SHOC1: variants seen among roughly 807,000 people sequenced by gnomAD.
The protein encoded by SHOC1 is protein shortage in chiasmata 1 ortholog.
SHOC1 carries 136 observed loss-of-function variants against 179.2 expected under a neutral mutation model. The ratio of observed to expected loss-of-function variants is 0.76; its 90% CI spans 0.66 to 0.87. The LOEUF (loss-of-function observed/expected upper bound fraction) is 0.87. Among genes scored for constraint, SHOC1 ranks in the 40% least tolerant of loss-of-function variants. SHOC1 has a pLI of 0.00. For synonymous variants in SHOC1, 489 were observed against 586.6 expected, an observed-to-expected ratio of 0.83 and a Z score of 2.41; for missense variants, 1,538 against 1,700.8, an observed-to-expected ratio of 0.90 and a Z score of 1.68.
In SHOC1 at chr9:111,692,207, T is replaced by C. The variant is rs773411789; in HGVS notation, c.3770A>G (p.Asp1257Gly). 2.5e-6 allele frequency: 4 copies of C among 1,613,406 alleles called. No individual in the cohort carries two copies. Among genetic ancestry groups the C allele is most frequent in the East Asian group, 4.5e-5 (2 of 44,842 alleles). The change falls in exon 27 of 28, where the codon GAC (aspartate) becomes GGC (glycine). Residue 1257 changes from aspartate to glycine, a missense_variant. Asp to Gly is a moderately conservative substitution (Grantham distance 94). Transcript: ENST00000682961. ...TSYNQTSYWK[D>G]SSCKSNIGQN... ...CCCTATATTAGATTTACAGCTGGAGTCTTTCCAGTAGCTGGTCTGATTGTA... is the reference window on the plus strand; with the variant it reads ...CCCTATATTAGATTTACAGCTGGAGCCTTTCCAGTAGCTGGTCTGATTGTA...
At chr9:111,759,052 T>C in intron 5 of SHOC1, 1 of 1,238,924 alleles carries the variant, frequency 8.1e-7, no homozygotes, top group Admixed American at 2.3e-5. Flanking sequence ...ATTTTAGTAT[T>C]ATCTAGGACA....
intron 16 of SHOC1, among the ~76,000 whole-genome samples, chr9:111,716,381 CTTTTTTTTT>C (rs34548781): frequency 8.9e-5 from 6 of 67,742 alleles, no homozygotes; most frequent in South Asian, 7.3e-4. Context: ...TCTTTTCTCC[CTTTTTTTTT>C]TTTTTTTTTT....
chr9:111,703,997 A>G lies in SHOC1; in HGVS notation c.2856-5T>C. 1 of 1,447,720 alleles carries G rather than the reference A, an allele frequency of 6.9e-7. No individual in the cohort carries two copies. The highest frequency in any genetic ancestry group is 9.5e-7 in the Non-Finnish European group (1 of 1,047,862). 89.7% of individuals were successfully genotyped at this position (1,447,720 alleles called of 1,614,324 possible). A position where few individuals can be genotyped will look rare whatever the true frequency, so the allele number is the denominator to read the frequency against. ...TCTACTAGTGAGATGTTATAGCTGT[A>G]AAATACAATATTCTTGAGTGAAAAA... is the stretch of plus-strand genomic sequence containing the variant. On this transcript the variant is annotated splice_region_variant and splice_polypyrimidine_tract_variant and intron_variant, in intron 21 of 27. Transcript: ENST00000682961.
rs1034560792 is a variant in SHOC1 at position 111,791,408 on chromosome 9, G to A, written c.11C>T (p.Ala4Val). ...ATAGTCTATTGCATGATATTTCAAT[G>A]CTGAAAACATATCTTCTTTCTTTCA... is the stretch of plus-strand genomic sequence containing the variant. MFSALKYHAIDYLY... is the reference protein window; with the variant it reads MFSVLKYHAIDYLY... Residue 4 changes from alanine to valine, a missense_variant, in exon 2 of 28, where the codon GCA (alanine) becomes GTA (valine). By Grantham distance (64) the Ala-to-Val change is moderately conservative. Coordinates refer to ENST00000682961, the MANE Select transcript of SHOC1 (RefSeq NM_001378211.1). 15 of 1,474,786 alleles carry A rather than the reference G, an allele frequency of 1.0e-5. No homozygotes were observed. The highest frequency in any genetic ancestry group is 1.4e-5 in the Non-Finnish European group (15 of 1,108,968). 91.4% of individuals were successfully genotyped at this position (1,474,786 alleles called of 1,614,324 possible).
At chr9:111,759,560 A>C (rs1263762516) in intron 5 of SHOC1, 2 of 1,121,882 alleles carry the variant, frequency 1.8e-6, no homozygotes, top group Non-Finnish European at 2.2e-6. Flanking sequence ...TCTAAGTCAC[A>C]GGAAGGAACA....
chr9:111,729,784 C>T (rs1833480918), intron 12 of SHOC1, among the ~76,000 whole-genome samples: 1 of 151,710 alleles, frequency 6.6e-6, no homozygotes, highest in African/African-American at 2.4e-5. Flanking sequence ...CCCAGCTACT[C>T]AGGAGGCTGA....
At chr9:111,712,633 G>A (rs1390000656) in intron 18 of SHOC1, among the ~76,000 whole-genome samples, 1 of 152,126 alleles carries the variant, frequency 6.6e-6, no homozygotes, top group Non-Finnish European at 1.5e-5. Context: ...GAAAAGTGTA[G>A]TAAGTGAGGA....
Position 111,746,292 on chromosome 9 carries a change from A to C in SHOC1, c.1021T>G (p.Ser341Ala). 1.2e-6 allele frequency: 2 copies of C among 1,612,658 alleles called. No individual in the cohort carries two copies. The highest frequency in any genetic ancestry group is 1.7e-6 in the Non-Finnish European group (2 of 1,178,872). ...AGTTCTGTACGTAATGAATTCACTG[A>C]AGAATGTTGGCATGTTAGGAATAGA... ...TPLFLTCQHS[S>A]VNSLRTELQT... The change falls in exon 10 of 28, where the codon TCA (serine) becomes GCA (alanine). Residue 341 changes from serine (S) to alanine (A), a missense_variant. Ser to Ala is a moderately conservative substitution (Grantham distance 99, BLOSUM62 1). Coordinates refer to ENST00000682961, the MANE Select transcript of SHOC1 (RefSeq NM_001378211.1).
At position 111,687,015 on chromosome 9, in the gene SHOC1, G is replaced by A. The variant is rs193204442; in HGVS notation, c.4427-145C>T. The A allele has an allele frequency of 1.9e-5, 8 of 418,702 alleles. No individual in the cohort carries two copies. In the Admixed American group the frequency reaches 2.7e-4, roughly 14 times the overall value. 25.9% of individuals were successfully genotyped at this position (418,702 alleles called of 1,614,324 possible). A position where few individuals can be genotyped will look rare whatever the true frequency, so the allele number is the denominator to read the frequency against. On this transcript the variant is annotated intron_variant, in intron 27 of 27. Coordinates refer to ENST00000682961, the MANE Select transcript of SHOC1 (RefSeq NM_001378211.1). ...GGCTGGAGTGTAGTGGCGCAATCTC[G>A]GCTCACTTGCAACATCTGCCTCCTG...
intron 12 of SHOC1, 119 bp downstream of exon 12, chr9:111,738,161 G>T: frequency 1.2e-6 from 1 of 831,740 alleles, no homozygotes; most frequent in Non-Finnish European, 1.8e-6. Context: ...GCAGAGCCAG[G>T]GCCTATATGG....
chr9:111,728,529 AT>A (rs1833415467), intron 12 of SHOC1, among the ~76,000 whole-genome samples: 3 of 152,258 alleles, frequency 2.0e-5, no homozygotes, highest in Non-Finnish European at 2.9e-5. Flanking sequence ...AGATATGCAT[AT>A]TCTACAAAAT....
chr9:111,762,749 C>T (rs1835190035), intron 5 of SHOC1, among the ~76,000 whole-genome samples: 1 of 151,972 alleles, frequency 6.6e-6, no homozygotes, highest in Admixed American at 6.6e-5. Flanking sequence ...AATATTTCAC[C>T]ATTGAAAATG....
chr9:111,733,773 C>T (rs1041466065), intron 12 of SHOC1, among the ~76,000 whole-genome samples: 4 of 151,676 alleles, frequency 2.6e-5, no homozygotes, highest in African/African-American at 9.7e-5. Flanking sequence ...GAGGCTGAGG[C>T]AGGAGAATTG....
rs150403886 is a variant in SHOC1 at position 111,737,145 on chromosome 9, T to A, written c.1417+1135A>T. On this transcript the variant is annotated intron_variant, in intron 12 of 27. Transcript: ENST00000682961. ...AAATTAGTTCAGCCACTGTGGAAAC[T>A]GTTTGGAGATTTATCAAAGAACTTA... Among the ~76,000 whole-genome samples the A allele has an allele frequency of 5.3e-5, 8 of 152,324 alleles. No homozygotes were observed. The East Asian group carries it at 1.5e-3, about 29-fold the overall frequency.
Position 111,707,846 on chromosome 9 carries a change from A to T in SHOC1, c.2558+9T>A. 6.5e-7 allele frequency: 1 copy of T among 1,545,410 alleles called. No individual in the cohort carries two copies. The highest frequency in any genetic ancestry group is 8.8e-7 in the Non-Finnish European group (1 of 1,134,298). On this transcript the variant is annotated intron_variant, in intron 19 of 27. Coordinates refer to ENST00000682961, the MANE Select transcript of SHOC1 (RefSeq NM_001378211.1). ...TTTGTTCCTCACAGATGAAGGAATG[A>T]ATTTTTACCCCCTTAAAACACCTTC... is the stretch of plus-strand genomic sequence containing the variant.
At chr9:111,715,091 T>C in intron 16 of SHOC1, among the ~76,000 whole-genome samples, 1 of 152,238 alleles carries the variant, frequency 6.6e-6, no homozygotes, top group Non-Finnish European at 1.5e-5. Flanking sequence ...TTAATTCATA[T>C]GGCTGCTAAA....
At chr9:111,734,247 T>C (rs1034419715) in intron 12 of SHOC1, among the ~76,000 whole-genome samples, 3 of 151,872 alleles carry the variant, frequency 2.0e-5, no homozygotes, top group Non-Finnish European at 4.4e-5. Flanking sequence ...TAATAATTTA[T>C]TGGATATCAA....
intron 7 of SHOC1, among the ~76,000 whole-genome samples, chr9:111,756,979 T>C (rs1417921421): frequency 6.6e-6 from 1 of 152,224 alleles, no homozygotes; most frequent in Admixed American, 6.5e-5. Flanking sequence ...ACTGGAGGAA[T>C]GGGGCCTATT....
At chr9:111,775,395 C>T (rs1332091909) in intron 5 of SHOC1, among the ~76,000 whole-genome samples, 1 of 152,136 alleles carries the variant, frequency 6.6e-6, no homozygotes, top group Admixed American at 6.6e-5. Flanking sequence ...CTTGGTTTCA[C>T]ATAAATTAGA....
Sources: allele counts gnomAD v4.1 joint callset (sites outside exome capture counted in the v4.1 genomes callset), GRCh38; gene constraint gnomAD v4.1.1; transcripts MANE v1.5; gene names NCBI Gene and HGNC (gene_info 2026-07-23, HGNC 2026-07-21).